Variants in FARP1 observed in about 807,000 individuals in gnomAD.
FARP1 encodes FERM, ARH/RhoGEF and pleckstrin domain protein 1.
In FARP1, 52 loss-of-function variants were observed where a neutral mutation model predicts 128.8. The observed-to-expected ratio is 0.40, with a 90% confidence interval of 0.32 to 0.51. The LOEUF (loss-of-function observed/expected upper bound fraction) is 0.51. FARP1 is among the 20% of genes least tolerant of loss of function. The probability of loss-of-function intolerance (pLI) is 0.45; values close to 1 mark genes in which losing one functional copy is unlikely to be tolerated. For synonymous variants in FARP1, 580 were observed against 551.8 expected (o/e 1.05, Z -0.72); for missense variants, 1,333 against 1,367.9 (o/e 0.97, Z 0.40).
chr13:98,275,496 A>G (rs534970180), intron 2 of FARP1, among the ~76,000 whole-genome samples: 132 of 151,912 alleles, frequency 8.7e-4, no homozygotes, highest in Non-Finnish European at 1.6e-3. Context: ...TGAATTTTTA[A>G]TAGGTTTAAT....
At chr13:98,235,770 T>C (rs1401959383) in intron 2 of FARP1, among the ~76,000 whole-genome samples, 1 of 151,856 alleles carries the variant, frequency 6.6e-6, no homozygotes, top group Non-Finnish European at 1.5e-5. Flanking sequence ...AGGCTCATTT[T>C]ATACACTGGT....
intron 1 of FARP1, among the ~76,000 whole-genome samples, chr13:98,143,896 T>G (rs1241267190): frequency 6.6e-6 from 1 of 151,658 alleles, no homozygotes; most frequent in Non-Finnish European, 1.5e-5. Flanking sequence ...TCTCGGCCCC[T>G]GAGGCCGGTT....
intron 1 of FARP1, among the ~76,000 whole-genome samples, chr13:98,171,639 C>T (rs1877659636): frequency 6.6e-6 from 1 of 152,142 alleles, no homozygotes; most frequent in Admixed American, 6.6e-5. Context: ...CAAGGTATAA[C>T]ATAACATGAT....
chr13:98,226,931 ATTTC>A (rs918891869), intron 2 of FARP1, among the ~76,000 whole-genome samples: 9 of 150,324 alleles, frequency 6.0e-5, no homozygotes, highest in South Asian at 2.1e-4. Flanking sequence ...ATCATGTTGC[ATTTC>A]TTTCTTTCTT....
chr13:98,153,987 T>C (rs1353920928), intron 1 of FARP1, among the ~76,000 whole-genome samples: 1 of 152,230 alleles, frequency 6.6e-6, no homozygotes, highest in African/African-American at 2.4e-5. Context: ...CTGTCTTTGC[T>C]CTGTCACTAA....
rs759328021 is a variant in FARP1, at chr13:98,368,159, C to T, written c.362C>T (p.Pro121Leu). 16 of 1,613,770 alleles carry T rather than the reference C, an allele frequency of 9.9e-6. No individual in the cohort carries two copies. Among genetic ancestry groups the T allele is most frequent in the Admixed American group, 3.3e-5 (2 of 59,986 alleles). Residue 121 changes from proline to leucine, a missense_variant, in exon 5 of 27, where the codon CCG becomes CTG. By Grantham distance (98) the Pro-to-Leu change is moderately conservative (BLOSUM62 -3). Around this residue, in one of 2 missense-constraint regions of FARP1, gnomAD observed 324 missense variants for 398.1 expected, o/e 0.81. Transcript: ENST00000319562. ...VVVKFVVKFF[P>L]PDHTQLQEEL... The stretch of plus-strand genomic sequence containing the variant: ...GTTAAGTTTGTGGTGAAATTCTTTC[C>T]GCCTGACCACACACAACTCCAAGAA...
chr13:98,250,368 A>T (rs1172557561), intron 2 of FARP1, among the ~76,000 whole-genome samples: 2 of 152,200 alleles, frequency 1.3e-5, no homozygotes, highest in African/African-American at 2.4e-5. Flanking sequence ...AAAACTTTAA[A>T]TTGTGAAATA....
chr13:98,165,986 C>T (rs1247086983), intron 1 of FARP1, among the ~76,000 whole-genome samples: 2 of 152,054 alleles, frequency 1.3e-5, no homozygotes, highest in African/African-American at 2.4e-5. Context: ...TCCCAAAGTG[C>T]TGGGATTACA....
rs77499948 is a variant in FARP1, at chr13:98,249,730, G to A, written c.171+36317G>A. The stretch of plus-strand genomic sequence containing the variant: ...CAAAGAAATATCACACAGGCCTTGT[G>A]TTTACACCTGTCTTTGAGCATTATA... On this transcript the variant is annotated intron_variant, in intron 2 of 26. Coordinates refer to ENST00000319562, the MANE Select transcript of FARP1 (RefSeq NM_005766.4). Among the ~76,000 whole-genome samples the A allele has an allele frequency of 6.3e-3, 961 of 152,228 alleles. 9 individuals carry two copies. Among genetic ancestry groups the A allele is most frequent in the African/African-American group, 0.022 (906 of 41,518 alleles).
At position 98,453,177 on chromosome 13, in the gene FARP1, T is replaced by C; in HGVS notation, c.*4860T>C. On this transcript the variant is annotated 3_prime_UTR_variant, in exon 27 of 27. Coordinates refer to ENST00000319562, the MANE Select transcript of FARP1 (RefSeq NM_005766.4). ...ACCCCAAATGCCAAAGGAATTTCAG[T>C]GGGATGAAGTTCCTCCACCACTTAG... The C allele has an allele frequency of 6.2e-7, 1 of 1,613,594 alleles. No individual in the cohort carries two copies. The highest frequency in any genetic ancestry group is 1.1e-5 in the South Asian group (1 of 91,034).
intron 1 of FARP1, among the ~76,000 whole-genome samples, chr13:98,209,094 C>T (rs56954084): frequency 3.3e-5 from 5 of 152,112 alleles, no homozygotes; most frequent in Non-Finnish European, 5.9e-5. Flanking sequence ...CTGTAAGCTC[C>T]GCCTCCCGGG....
At chr13:98,241,413 AG>A (rs1302591308) in intron 2 of FARP1, among the ~76,000 whole-genome samples, 6 of 152,176 alleles carry the variant, frequency 3.9e-5, no homozygotes, top group Admixed American at 3.9e-4. Context: ...ACTCCACAAC[AG>A]GCACATGGAA....
chr13:98,404,043 A>C (rs41279116), intron 13 of FARP1: 55,001 of 154,406 alleles, frequency 0.36, 10,019 homozygotes, highest in Non-Finnish European at 0.39. Context: ...GCTACTACCA[A>C]CATCACCACC....
At chr13:98,397,133 C>A (rs1165021929) in intron 13 of FARP1, 1 of 152,176 alleles carries the variant, frequency 6.6e-6, no homozygotes, top group Non-Finnish European at 1.5e-5. Flanking sequence ...GTTGTCAAAT[C>A]TTCATGAATT....
intron 3 of FARP1, among the ~76,000 whole-genome samples, chr13:98,360,475 A>G (rs1327088355): frequency 6.6e-6 from 1 of 152,148 alleles, no homozygotes; most frequent in Non-Finnish European, 1.5e-5. Flanking sequence ...TTGGACAGAC[A>G]CTGGAAATGC....
intron 8 of FARP1, 47 bp downstream of exon 8, chr13:98,385,861 G>A (rs747555452): frequency 6.3e-7 from 1 of 1,597,680 alleles, no homozygotes; most frequent in Admixed American, 1.7e-5. Context: ...GACAGAGAGA[G>A]AAGAGCTGGC....
intron 2 of FARP1, among the ~76,000 whole-genome samples, chr13:98,324,523 A>G (rs1361753382): frequency 2.6e-5 from 4 of 152,290 alleles, no homozygotes; most frequent in African/African-American, 9.6e-5. Context: ...TATTTTCTGG[A>G]AAGAGTTTAC....
In FARP1 at chr13:98,365,397, G is replaced by A; in HGVS notation, c.279G>A (p.Val93=). The change falls in exon 4 of 27, where the codon GTG becomes GTA. Residue 93 remains valine (V), a splice_region_variant and synonymous_variant. Transcript: ENST00000319562. ...ATCTGTTCTTTTTTCCCTTCTAGGT[G>A]TGGCTGGATCTCCTAAAACCCATTG... The part of the protein sequence containing the change: ...LEFPDHKKIT[V]WLDLLKPIVK... 6.2e-7 allele frequency: 1 copy of A among 1,608,478 alleles called. No individual in the cohort carries two copies. Among genetic ancestry groups the A allele is most frequent in the Non-Finnish European group, 8.5e-7 (1 of 1,175,082 alleles).
chr13:98,262,556 G>T (rs1883933373), intron 2 of FARP1, among the ~76,000 whole-genome samples: 1 of 152,200 alleles, frequency 6.6e-6, no homozygotes, highest in Admixed American at 6.5e-5. Context: ...GAAATGAAAG[G>T]ATCGCATTAC....
Sources: allele counts gnomAD v4.1 joint callset (sites outside exome capture counted in the v4.1 genomes callset), GRCh38; gene constraint gnomAD v4.1.1; regional missense constraint gnomAD v4.1.1; transcripts MANE v1.5; gene names NCBI Gene and HGNC (gene_info 2026-07-23, HGNC 2026-07-21).